The following FILIP1L variants were observed in gnomAD, a reference collection of about 807,000 sequenced individuals.
FILIP1L encodes the protein filamin A-interacting protein 1-like.
Under a neutral mutation model 96.6 loss-of-function variants are expected in FILIP1L, and 55 were observed. The ratio of observed to expected loss-of-function variants is 0.57; its 90% CI spans 0.46 to 0.71. FILIP1L has a LOEUF of 0.71. Ranked by LOEUF, FILIP1L falls within the 30% of genes least tolerant of loss-of-function variation. The pLI is 0.00. For missense variants in FILIP1L, 1,304 were observed against 1,321.2 expected, an observed-to-expected ratio of 0.99 and a Z score of 0.20; for synonymous variants, 467 against 473.9, an observed-to-expected ratio of 0.99 and a Z score of 0.19.
chr3:100,055,297 C>T (rs998314150), intron 1 of FILIP1L, among the ~76,000 whole-genome samples: 2 of 152,174 alleles, frequency 1.3e-5, no homozygotes, highest in Non-Finnish European at 2.9e-5. Context: ...TTTAGCATTA[C>T]TGAACACCTC....
intron 4 of FILIP1L, among the ~76,000 whole-genome samples, chr3:99,897,287 AG>A (rs1267021130): frequency 6.6e-6 from 1 of 152,058 alleles, no homozygotes; most frequent in East Asian, 1.9e-4. Flanking sequence ...CGAACCCAGG[AG>A]GCCTCCGCGG....
chr3:99,859,857 TA>T (rs1052914610), intron 4 of FILIP1L, among the ~76,000 whole-genome samples: 5 of 152,202 alleles, frequency 3.3e-5, no homozygotes, highest in African/African-American at 1.2e-4. Flanking sequence ...GTCTAAATTT[TA>T]AGAGCACTCA....
At chr3:100,010,583 C>T (rs547686339) in intron 1 of FILIP1L, among the ~76,000 whole-genome samples, 21 of 151,492 alleles carry the variant, frequency 1.4e-4, no homozygotes, top group Admixed American at 1.3e-3. Context: ...TTGGCTAAAG[C>T]ATTCTATATC....
intron 1 of FILIP1L, among the ~76,000 whole-genome samples, chr3:99,964,645 C>G (rs1394280213): frequency 6.6e-6 from 1 of 152,050 alleles, no homozygotes; most frequent in East Asian, 1.9e-4. Context: ...GTTTCCTAAG[C>G]TAGAGCTTCC....
At chr3:99,940,028 C>G (rs1416194819) in intron 1 of FILIP1L, among the ~76,000 whole-genome samples, 1 of 152,120 alleles carries the variant, frequency 6.6e-6, no homozygotes, top group African/African-American at 2.4e-5. Flanking sequence ...CTGATGAGGT[C>G]CAGTAGGGCA....
intron 4 of FILIP1L, among the ~76,000 whole-genome samples, chr3:99,910,543 G>A (rs1706756275): frequency 7.3e-6 from 1 of 136,568 alleles, no homozygotes; most frequent in East Asian, 2.0e-4. Flanking sequence ...GTTATATCCA[G>A]TACCCCTTAC....
At chr3:99,882,919 C>T (rs182506861) in intron 4 of FILIP1L, among the ~76,000 whole-genome samples, 1 of 152,282 alleles carries the variant, frequency 6.6e-6, no homozygotes, top group Admixed American at 6.5e-5. Flanking sequence ...CTAAGATTGG[C>T]CACATGTCAA....
intron 4 of FILIP1L, among the ~76,000 whole-genome samples, chr3:99,903,400 T>TGA (rs1706504715): frequency 6.6e-6 from 1 of 151,764 alleles, no homozygotes; most frequent in Admixed American, 6.6e-5. Flanking sequence ...TACAGGCGCC[T>TGA]GCCACCACAC....
chr3:99,979,367 A>G (rs1367354822), intron 1 of FILIP1L, among the ~76,000 whole-genome samples: 2 of 152,220 alleles, frequency 1.3e-5, no homozygotes, highest in Non-Finnish European at 2.9e-5. Flanking sequence ...CAGAGTTAAG[A>G]GATGTTAACC....
At chr3:99,853,670 A>C (rs139853178) in intron 4 of FILIP1L, among the ~76,000 whole-genome samples, 1 of 152,144 alleles carries the variant, frequency 6.6e-6, no homozygotes, top group Non-Finnish European at 1.5e-5. Flanking sequence ...GTTTTTGTAA[A>C]TTAGTTGGCA....
chr3:100,057,965 A>G (rs1021826496), intron 1 of FILIP1L, among the ~76,000 whole-genome samples: 2 of 152,222 alleles, frequency 1.3e-5, no homozygotes, highest in Non-Finnish European at 2.9e-5. Flanking sequence ...GTCTGATGAA[A>G]ATAGCTAGTT....
intron 5 of FILIP1L, among the ~76,000 whole-genome samples, chr3:99,842,456 A>C (rs1258466506): frequency 6.6e-6 from 1 of 151,078 alleles, no homozygotes; most frequent in Admixed American, 6.6e-5. Context: ...GTAACCAAAC[A>C]CCACTTGTTC....
At chr3:99,833,296 T>C (rs758206932) in intron 5 of FILIP1L, 1 of 1,568,204 alleles carries the variant, frequency 6.4e-7, no homozygotes, top group Middle Eastern at 1.7e-4. Flanking sequence ...AGTAAATTTG[T>C]GGAATATATT....
chr3:100,022,037 T>C (rs1466354718), intron 1 of FILIP1L, among the ~76,000 whole-genome samples: 1 of 151,632 alleles, frequency 6.6e-6, no homozygotes, highest in Non-Finnish European at 1.5e-5. Flanking sequence ...ACCCATTTCC[T>C]TTTTCCATAA....
chr3:99,895,456 C>T (rs1040276046), intron 4 of FILIP1L, among the ~76,000 whole-genome samples: 1 of 150,122 alleles, frequency 6.7e-6, no homozygotes, highest in Non-Finnish European at 1.5e-5. Flanking sequence ...TACTGTATTT[C>T]CTTCCGCTCA....
At chr3:99,833,035 G>T in intron 5 of FILIP1L, 1 of 575,956 alleles carries the variant, frequency 1.7e-6, no homozygotes. Context: ...CATGCATATG[G>T]CTCTTTTAAG....
intron 1 of FILIP1L, among the ~76,000 whole-genome samples, chr3:100,015,186 G>A (rs1710305834): frequency 6.6e-6 from 1 of 151,780 alleles, no homozygotes; most frequent in Non-Finnish European, 1.5e-5. Flanking sequence ...TACCTTCGTT[G>A]TAGATCATTT....
At chr3:99,929,763 T>A (rs1306764120) in intron 3 of FILIP1L, 93 bp downstream of exon 3, 1 of 901,522 alleles carries the variant, frequency 1.1e-6, no homozygotes, top group Non-Finnish European at 1.6e-6. Flanking sequence ...AAAGTAAAAC[T>A]GTAAGGAATC....
chr3:100,059,378 G>T (rs759958002), intron 1 of FILIP1L, among the ~76,000 whole-genome samples: 1 of 152,160 alleles, frequency 6.6e-6, no homozygotes, highest in Non-Finnish European at 1.5e-5. Context: ...GTCCTTGTCC[G>T]TGGCTTGCTT....
Sources: gnomAD v4.1 joint callset for allele counts (sites outside exome capture counted in the v4.1 genomes callset) on GRCh38, gnomAD v4.1.1 for gene constraint, MANE v1.5 for transcripts, NCBI Gene and HGNC (gene_info 2026-07-23, HGNC 2026-07-21) for gene names.